Variants in ATE1 observed in about 807,000 individuals in gnomAD.
ATE1 encodes arginyl-tRNA--protein transferase 1.
A neutral mutation model predicts 70.5 loss-of-function variants in ATE1; 36 were observed. The ratio of observed to expected loss-of-function variants is 0.51; its 90% confidence interval spans 0.39 to 0.67. The LOEUF is 0.67. Among genes scored for constraint, ATE1 ranks in the 30% least tolerant of loss-of-function variants. The pLI, the probability that ATE1 is intolerant of heterozygous loss-of-function variation, is 0.00. For synonymous variants in ATE1, 232 were observed against 219.3 expected (o/e 1.06, Z -0.51); for missense variants, 593 against 629.5 (o/e 0.94, Z 0.62).
At chr10:121,900,133 C>A (rs1950923276) in intron 6 of ATE1, 139 bp from the exon 7 acceptor site, 2 of 919,780 alleles carry the variant, frequency 2.2e-6, no homozygotes, top group South Asian at 2.2e-5. Flanking sequence ...ATATTAAAAA[C>A]CAACCAGTTA....
intron 3 of ATE1, among the ~76,000 whole-genome samples, chr10:121,919,368 G>A (rs1170942858): frequency 1.3e-5 from 2 of 151,984 alleles, no homozygotes; most frequent in Non-Finnish European, 2.9e-5. Flanking sequence ...AGACCAGCTT[G>A]GCCAACATGG....
chr10:121,849,204 T>A (rs1286218139), intron 8 of ATE1, among the ~76,000 whole-genome samples: 1 of 82,664 alleles, frequency 1.2e-5, no homozygotes, highest in Non-Finnish European at 3.0e-5. Flanking sequence ...GGATCAAAAC[T>A]CCATCTCAAA....
chr10:121,761,361 G>A (rs1564815745), intron 11 of ATE1, among the ~76,000 whole-genome samples: 1 of 152,166 alleles, frequency 6.6e-6, no homozygotes, highest in African/African-American at 2.4e-5. Flanking sequence ...TCAACATCAA[G>A]GCAAAACTCT....
intron 10 of ATE1, among the ~76,000 whole-genome samples, chr10:121,795,081 C>T (rs1468213141): frequency 1.3e-5 from 2 of 152,068 alleles, no homozygotes; most frequent in African/African-American, 4.8e-5. Flanking sequence ...AACCCCATCT[C>T]TACTAAAAAT....
rs1229108284 is a variant in ATE1 at position 121,911,055 on chromosome 10, T to C, written c.434A>G (p.Asp145Gly). The C allele has an allele frequency of 1.2e-6, 2 of 1,613,466 alleles. No homozygotes were observed. Among genetic ancestry groups the C allele is most frequent in the African/African-American group, 2.7e-5 (2 of 74,840 alleles). ...ACTCTCTAAACTCTCTTTGATGTCA[T>C]CACTGAGTGTTTTAAGATCACACTG... ...DIQCDLKTLSDDIKESLESEG... is the reference protein window; with the variant it reads ...DIQCDLKTLSGDIKESLESEG... Residue 145 changes from aspartate to glycine, a missense_variant, in exon 5 of 12, where the codon GAT (aspartate) becomes GGT (glycine). By Grantham distance (94) the Asp-to-Gly change is moderately conservative. Transcript: ENST00000224652.
Position 121,847,161 on chromosome 10 carries a change from T to C in ATE1, c.976-5898A>G, listed in dbSNP as rs145805613. Among the ~76,000 whole-genome samples the C allele has an allele frequency of 1.6e-3, 238 of 152,296 alleles. 1 individual carries two copies. Among genetic ancestry groups the C allele is most frequent in the African/African-American group, 5.3e-3 (222 of 41,568 alleles). ...TGAGACTACCTGTCTTTAAAAATAA[T>C]CATGCGGCTGGGCACGGTGTCTCAC... On this transcript the variant is annotated intron_variant, in intron 8 of 11. Coordinates refer to ENST00000224652, the MANE Select transcript of ATE1 (RefSeq NM_001001976.3).
chr10:121,910,572 T>C (rs1951381152), intron 5 of ATE1, among the ~76,000 whole-genome samples: 1 of 152,194 alleles, frequency 6.6e-6, no homozygotes, highest in Admixed American at 6.5e-5. Flanking sequence ...GTTGTCTCAC[T>C]TAATGTTAAA....
At chr10:121,841,363 C>T (rs556849642) in intron 8 of ATE1, 100 bp from the exon 9 acceptor site, 5 of 880,180 alleles carry the variant, frequency 5.7e-6, no homozygotes, top group Non-Finnish European at 7.6e-6. Flanking sequence ...AAGTCCTTAA[C>T]TTTCCTCTTT....
At chr10:121,925,427 C>CA (rs35309690) in intron 1 of ATE1, among the ~76,000 whole-genome samples, 18,650 of 118,550 alleles carry the variant, frequency 0.16, 1,400 homozygotes, top group Middle Eastern at 0.19. Context: ...AGCTCTGTCT[C>CA]AAAAAAAAAA....
chr10:121,899,718 T>C (rs543390141), intron 7 of ATE1, 148 bp downstream of exon 7: 2 of 1,184,578 alleles, frequency 1.7e-6, no homozygotes, highest in Non-Finnish European at 2.3e-6. Flanking sequence ...TTTCAGAATG[T>C]CCATTAATTC....
At chr10:121,754,119 T>A (rs191268837) in intron 11 of ATE1, among the ~76,000 whole-genome samples, 1 of 152,186 alleles carries the variant, frequency 6.6e-6, no homozygotes, top group African/African-American at 2.4e-5. Context: ...TACCCTGATA[T>A]AGACATACAG....
chr10:121,803,177 A>G (rs750903886), intron 10 of ATE1, among the ~76,000 whole-genome samples: 11 of 152,194 alleles, frequency 7.2e-5, no homozygotes, highest in Non-Finnish European at 1.2e-4. Flanking sequence ...AGCTGGGAGT[A>G]CATCAATTTC....
At chr10:121,922,276 C>CATCT in intron 3 of ATE1, 73 bp downstream of exon 3, 1 of 1,067,900 alleles carries the variant, frequency 9.4e-7, no homozygotes, top group Non-Finnish European at 1.4e-6. Context: ...ATTAAAAAAG[C>CATCT]ACAAGAGACT....
chr10:121,763,028 C>T (rs542819157), intron 11 of ATE1, among the ~76,000 whole-genome samples: 17 of 152,310 alleles, frequency 1.1e-4, no homozygotes, highest in South Asian at 6.2e-4. Context: ...GGGCAGGATA[C>T]TACAGTGTAC....
chr10:121,848,564 G>A (rs2133851531), intron 8 of ATE1, among the ~76,000 whole-genome samples: 1 of 146,054 alleles, frequency 6.8e-6, no homozygotes, highest in South Asian at 2.3e-4. Context: ...GCTGCAGTGG[G>A]CCAAGATCAC....
chr10:121,807,218 A>G (rs1947131528), intron 10 of ATE1, among the ~76,000 whole-genome samples: 1 of 152,234 alleles, frequency 6.6e-6, no homozygotes, highest in African/African-American at 2.4e-5. Flanking sequence ...AGCACTCACA[A>G]CAGAGTTATT....
intron 11 of ATE1, among the ~76,000 whole-genome samples, chr10:121,751,404 T>A (rs777788390): frequency 6.6e-6 from 1 of 152,222 alleles, no homozygotes; most frequent in Non-Finnish European, 1.5e-5. Context: ...TTTTCCCAAG[T>A]GGCCGCCTCA....
At chr10:121,921,821 T>G (rs1334290787) in intron 3 of ATE1, among the ~76,000 whole-genome samples, 2 of 152,138 alleles carry the variant, frequency 1.3e-5, no homozygotes, top group Non-Finnish European at 2.9e-5. Flanking sequence ...CCGGGCCCAG[T>G]CTTTTAGACG....
intron 3 of ATE1, among the ~76,000 whole-genome samples, chr10:121,920,720 T>C (rs1435585251): frequency 2.0e-5 from 3 of 151,858 alleles, no homozygotes; most frequent in Admixed American, 6.6e-5. Context: ...CTGGGCCAGG[T>C]GCAGTGGCTC....
Sources: allele counts gnomAD v4.1 joint callset (sites outside exome capture counted in the v4.1 genomes callset), GRCh38; gene constraint gnomAD v4.1.1; transcripts MANE v1.5; gene names NCBI Gene and HGNC (gene_info 2026-07-23, HGNC 2026-07-21).